Variants in TIAM1 observed in about 807,000 individuals in gnomAD.
The protein encoded by TIAM1 is rho guanine nucleotide exchange factor TIAM1.
A neutral mutation model predicts 163.5 loss-of-function variants in TIAM1; 65 were observed. That is an observed-to-expected ratio of 0.40 (90% CI 0.33 to 0.49). The LOEUF (loss-of-function observed/expected upper bound fraction) is 0.49, where lower values mean the gene tolerates loss of function less well. Among genes scored for constraint, TIAM1 ranks in the 20% least tolerant of loss-of-function variants. The probability of loss-of-function intolerance (pLI) is 0.77; values close to 1 mark genes in which losing one functional copy is unlikely to be tolerated. For missense variants in TIAM1, 1,789 were observed against 2,044.7 expected, an observed-to-expected ratio of 0.87 and a Z score of 2.41; for synonymous variants, 833 against 810.1, an observed-to-expected ratio of 1.03 and a Z score of -0.48.
intron 1 of TIAM1, among the ~76,000 whole-genome samples, chr21:31,513,761 A>C (rs2047289321): frequency 6.6e-6 from 1 of 152,220 alleles, no homozygotes; most frequent in Admixed American, 6.5e-5. Context: ...TAATTCCAGC[A>C]CTTTGGGAAG....
chr21:31,326,383 G>A (rs1183471889), intron 2 of TIAM1, among the ~76,000 whole-genome samples: 2 of 152,104 alleles, frequency 1.3e-5, no homozygotes, highest in African/African-American at 4.8e-5. Context: ...AATCCCCAGT[G>A]ACCAGCTTGG....
At chr21:31,185,230 C>A (rs545735992) in intron 14 of TIAM1, among the ~76,000 whole-genome samples, 1 of 151,864 alleles carries the variant, frequency 6.6e-6, no homozygotes, top group Admixed American at 6.6e-5. Flanking sequence ...CCTACCTGTC[C>A]CATTTATTTA....
At chr21:31,380,457 C>T (rs2076759403) in intron 2 of TIAM1, among the ~76,000 whole-genome samples, 1 of 152,106 alleles carries the variant, frequency 6.6e-6, no homozygotes, top group African/African-American at 2.4e-5. Context: ...GCAGGAGAAT[C>T]ACTTGAATCC....
chr21:31,237,044 A>C (rs1392801538), intron 6 of TIAM1, among the ~76,000 whole-genome samples: 1 of 152,210 alleles, frequency 6.6e-6, no homozygotes, highest in Non-Finnish European at 1.5e-5. Context: ...GAAAGAACAT[A>C]TTATCTCAAC....
intron 2 of TIAM1, among the ~76,000 whole-genome samples, chr21:31,310,816 GAGA>G (rs1328464571): frequency 2.0e-5 from 3 of 152,208 alleles, no homozygotes; most frequent in African/African-American, 4.8e-5. Context: ...TGCAGGATGA[GAGA>G]AGAAGGATGG....
At chr21:31,423,192 G>A (rs57855263) in intron 2 of TIAM1, among the ~76,000 whole-genome samples, 4,993 of 148,286 alleles carry the variant, frequency 0.034, 264 homozygotes, top group African/African-American at 0.12. Context: ...TCCGCCTCCC[G>A]GGTTCACGCC....
chr21:31,349,400 T>C (rs752233937), intron 2 of TIAM1, among the ~76,000 whole-genome samples: 2 of 152,174 alleles, frequency 1.3e-5, no homozygotes. Flanking sequence ...ATAAACCATA[T>C]GGGGCCAGAT....
In TIAM1 at chr21:31,404,182, A is replaced by G. The variant is rs1395158032; in HGVS notation, c.-369+59801T>C. On this transcript the variant is annotated intron_variant, in intron 2 of 28. Coordinates refer to the TIAM1 transcript ENST00000286827. Reference sequence around the variant, plus strand: ...CAAGAGCTCTTAAGATGACACAATGACCTTGAATTATCCTTTTATCTTTAG... The same window carrying G: ...CAAGAGCTCTTAAGATGACACAATGGCCTTGAATTATCCTTTTATCTTTAG... 3.3e-5 allele frequency among the ~76,000 whole-genome samples: 5 copies of G among 152,172 alleles called. No individual in the cohort carries two copies. The East Asian group carries it at 9.6e-4, about 29-fold the overall frequency.
chr21:31,509,875 C>G (rs1045897106), intron 1 of TIAM1, among the ~76,000 whole-genome samples: 1 of 152,136 alleles, frequency 6.6e-6, no homozygotes, highest in South Asian at 2.1e-4. Flanking sequence ...AGCCAATTAC[C>G]GCTGGGCCCC....
At chr21:31,482,749 G>A (rs189523859) in intron 1 of TIAM1, among the ~76,000 whole-genome samples, 5 of 152,090 alleles carry the variant, frequency 3.3e-5, no homozygotes, top group African/African-American at 9.7e-5. Flanking sequence ...GAAGCTTGCC[G>A]GTCCTCAGCT....
At chr21:31,384,175 G>A (rs1387769210) in intron 2 of TIAM1, among the ~76,000 whole-genome samples, 2 of 151,432 alleles carry the variant, frequency 1.3e-5, no homozygotes, top group East Asian at 3.9e-4. Context: ...TAAGTTTAAT[G>A]AACAAATAAG....
At chr21:31,491,934 A>T (rs1225698129) in intron 1 of TIAM1, among the ~76,000 whole-genome samples, 1 of 152,212 alleles carries the variant, frequency 6.6e-6, no homozygotes, top group East Asian at 1.9e-4. Flanking sequence ...TAAACAAAAG[A>T]TAACACCATC....
chr21:31,350,553 G>A (rs756687265), intron 2 of TIAM1, among the ~76,000 whole-genome samples: 4 of 152,206 alleles, frequency 2.6e-5, no homozygotes, highest in African/African-American at 4.8e-5. Context: ...TGCTGTTCTC[G>A]TGATAGTGAG....
chr21:31,377,586 C>A (rs1223704014), intron 2 of TIAM1, among the ~76,000 whole-genome samples: 1 of 152,268 alleles, frequency 6.6e-6, no homozygotes, highest in Middle Eastern at 3.4e-3. Flanking sequence ...CAAGCCAAAC[C>A]CTTCTGTATA....
rs565588380 is a variant in TIAM1 at position 31,132,789 on chromosome 21, T to C, written c.3884-1841A>G. ...TGCCCGATCCCTTCAGACATGGCCT[T>C]GATGATCTCCAAAACTCATGCTACC... On this transcript the variant is annotated intron_variant, in intron 23 of 27. Coordinates refer to ENST00000541036, the MANE Select transcript of TIAM1 (RefSeq NM_001353694.2). Among the ~76,000 whole-genome samples, 8 of 152,280 alleles carry C rather than the reference T, an allele frequency of 5.3e-5. No homozygotes were observed. In the South Asian group the frequency reaches 1.7e-3, roughly 32 times the overall value.
At chr21:31,185,920 G>A (rs937836382) in intron 14 of TIAM1, among the ~76,000 whole-genome samples, 2 of 152,042 alleles carry the variant, frequency 1.3e-5, no homozygotes, top group African/African-American at 4.8e-5. Flanking sequence ...GAGGCATGAA[G>A]CCATTCTTCC....
chr21:31,267,153 T>C (rs2072823753), intron 3 of TIAM1, among the ~76,000 whole-genome samples, 170 bp from the exon 4 acceptor site: 1 of 152,110 alleles, frequency 6.6e-6, no homozygotes, highest in Non-Finnish European at 1.5e-5. Flanking sequence ...TCTCGGACTC[T>C]TACCTGGGAG....
intron 20 of TIAM1, among the ~76,000 whole-genome samples, chr21:31,144,986 AAC>A (rs966106397): frequency 6.6e-6 from 1 of 152,210 alleles, no homozygotes; most frequent in Admixed American, 6.5e-5. Context: ...GATTAAAAAT[AAC>A]ACAAATTGCT....
Position 31,490,732 on chromosome 21 carries a change from G to A in TIAM1, c.-421-26697C>T, listed in dbSNP as rs532035814. ...AGGAAGGATTCTTTGCAGATGAAAA[G>A]AGGCCAACTGGTAGAAATGCCTGCC... On this transcript the variant is annotated intron_variant, in intron 1 of 28. Transcript: ENST00000286827. Among the ~76,000 whole-genome samples the A allele has an allele frequency of 5.2e-5, 8 of 152,384 alleles. No individual in the cohort carries two copies. In the South Asian group the frequency reaches 1.2e-3, roughly 24 times the overall value.
Sources: gnomAD v4.1 joint callset for allele counts (sites outside exome capture counted in the v4.1 genomes callset) on GRCh38, gnomAD v4.1.1 for gene constraint, MANE v1.5 for transcripts, NCBI Gene and HGNC (gene_info 2026-07-23, HGNC 2026-07-21) for gene names.